Variants in PRKDC observed in about 807,000 individuals in gnomAD.
The protein encoded by PRKDC is DNA-dependent protein kinase catalytic subunit.
In PRKDC, 82 loss-of-function variants were observed where a neutral mutation model predicts 486.9. That is an observed-to-expected ratio of 0.17 (90% CI 0.14 to 0.20). The LOEUF (loss-of-function observed/expected upper bound fraction) is 0.20. Among genes scored for constraint, PRKDC ranks in the 10% least tolerant of loss-of-function variants. PRKDC has a pLI of 1.00. For missense variants in PRKDC, 4,504 were observed against 5,038.2 expected (o/e 0.89, Z 3.21); for synonymous variants, 1,895 against 1,837.0 (o/e 1.03, Z -0.81).
At chr8:47,899,437 G>A (rs1468440319) in intron 28 of PRKDC, among the ~76,000 whole-genome samples, 1 of 152,120 alleles carries the variant, frequency 6.6e-6, no homozygotes, top group Non-Finnish European at 1.5e-5. Context: ...CGTAAGGTCA[G>A]GAGTTATAGA....
At chr8:47,849,549 G>A (rs769860005) in intron 52 of PRKDC, 46 bp from the exon 53 acceptor site, 42 of 1,593,194 alleles carry the variant, frequency 2.6e-5, no homozygotes, top group Admixed American at 1.0e-4. Context: ...TGGAAATGTA[G>A]GTTAAGCATT....
intron 25 of PRKDC, among the ~76,000 whole-genome samples, chr8:47,907,154 C>T (rs1212988525): frequency 1.3e-5 from 2 of 151,080 alleles, no homozygotes; most frequent in East Asian, 3.9e-4. Flanking sequence ...CATTCTCCTG[C>T]CTCAGCCTCC....
Position 47,944,045 on chromosome 8 carries a change from G to A in PRKDC, c.722-16C>T. On this transcript the variant is annotated splice_polypyrimidine_tract_variant and intron_variant, in intron 7 of 85. Transcript: ENST00000314191. ...GTCTGGGGATCTAGGGAAATACCAA[G>A]AAGCCTGTTACAAATCGTAATAACA... 1 of 1,551,522 alleles carries A rather than the reference G, an allele frequency of 6.4e-7. No homozygotes were observed. Among genetic ancestry groups the A allele is most frequent in the South Asian group, 1.2e-5 (1 of 84,340 alleles).
intron 19 of PRKDC, among the ~76,000 whole-genome samples, chr8:47,928,204 G>A (rs2090186526): frequency 6.8e-6 from 1 of 147,688 alleles, no homozygotes; most frequent in Non-Finnish European, 1.5e-5. Context: ...CAGCCAGGCT[G>A]GAGTGCATGG....
chr8:47,949,744 G>C (rs2090596879), intron 7 of PRKDC, among the ~76,000 whole-genome samples: 1 of 152,070 alleles, frequency 6.6e-6, no homozygotes, highest in Non-Finnish European at 1.5e-5. Flanking sequence ...GAGGAAGTGG[G>C]AGCCATAGGA....
chr8:47,796,566 T>C (rs1478695342), intron 73 of PRKDC, among the ~76,000 whole-genome samples: 1 of 152,038 alleles, frequency 6.6e-6, no homozygotes, highest in East Asian at 1.9e-4. Context: ...GTTTCTTATA[T>C]GTGTTGCAAA....
chr8:47,923,066 CTTT>C (rs879732716), intron 21 of PRKDC, among the ~76,000 whole-genome samples: 5 of 141,046 alleles, frequency 3.5e-5, no homozygotes, highest in Admixed American at 7.2e-5. Flanking sequence ...AGAAGTCATT[CTTT>C]TTTTTTTTTT....
Position 47,893,122 on chromosome 8 carries a change from A to G in PRKDC, c.3847+17T>C, listed in dbSNP as rs763410689. ...TGGCAGCACGACACACACCAGAATA[A>G]GGCAAGGGTGACCTACCTAGGACCT... On this transcript the variant is annotated intron_variant, in intron 31 of 85. Coordinates refer to ENST00000314191, the MANE Select transcript of PRKDC (RefSeq NM_006904.7). The G allele has an allele frequency of 6.4e-7, 1 of 1,574,596 alleles. No individual in the cohort carries two copies. Among genetic ancestry groups the G allele is most frequent in the Non-Finnish European group, 8.7e-7 (1 of 1,153,162 alleles).
Position 47,914,076 on chromosome 8 carries a change from G to T in PRKDC, c.2618-12C>A, listed in dbSNP as rs1255573679. ...ATCTGAGGACGTGACTGTTAGAAAAGATTTAAGAAGAATGAAACACTTTTT... is the reference window on the plus strand; with the variant it reads ...ATCTGAGGACGTGACTGTTAGAAAATATTTAAGAAGAATGAAACACTTTTT... On this transcript the variant is annotated splice_polypyrimidine_tract_variant and intron_variant, in intron 23 of 85. Transcript: ENST00000314191. 1.4e-6 allele frequency: 2 copies of T among 1,442,442 alleles called. No individual in the cohort carries two copies. Among genetic ancestry groups the T allele is most frequent in the Admixed American group, 2.6e-5 (1 of 38,746 alleles). 89.4% of individuals were successfully genotyped at this position (1,442,442 alleles called of 1,614,324 possible). A position where few individuals can be genotyped will look rare whatever the true frequency, so the allele number is the denominator to read the frequency against.
chr8:47,934,324 G>A (rs2090309379), intron 14 of PRKDC, among the ~76,000 whole-genome samples: 1 of 152,198 alleles, frequency 6.6e-6, no homozygotes, highest in South Asian at 2.1e-4. Flanking sequence ...GATCACCTGA[G>A]GTCAAGAGTT....
At position 47,930,736 on chromosome 8, in the gene PRKDC, C is replaced by A; in HGVS notation, c.1828G>T (p.Ala610Ser). 6.3e-7 allele frequency: 1 copy of A among 1,591,826 alleles called. No individual in the cohort carries two copies. The highest frequency in any genetic ancestry group is 1.2e-5 in the South Asian group (1 of 86,900). Residue 610 changes from alanine (A) to serine (S), a missense_variant, in exon 17 of 86, where the codon GCT (alanine) becomes TCT (serine). By Grantham distance (99) the Ala-to-Ser change is moderately conservative (BLOSUM62 1). Transcript: ENST00000314191. The part of the protein sequence containing the change: ...VWMIPTSDPA[A>S]NLHPAKPKDF... Reference sequence around the variant, plus strand: ...TTAGGTTTAGCTGGATGCAAGTTAGCCGCTGGATCTGAAGTTGGGATCATC... The same window carrying A: ...TTAGGTTTAGCTGGATGCAAGTTAGACGCTGGATCTGAAGTTGGGATCATC...
chr8:47,929,099 C>A lies in PRKDC; in HGVS notation c.2132G>T (p.Gly711Val). Residue 711 changes from glycine (G) to valine (V), a missense_variant, in exon 19 of 86, where the codon GGC (glycine) becomes GTC (valine). Transcript: ENST00000314191. ...AAATCATTTAAAAATTACCTCTTTG[C>A]CAAATTTCACAAATAAAGCAAAGCA... ...YSCFALFVKF[G>V]KEVAVKMKQY... 2 of 1,559,956 alleles carry A rather than the reference C, an allele frequency of 1.3e-6. No individual in the cohort carries two copies. Among genetic ancestry groups the A allele is most frequent in the East Asian group, 2.3e-5 (1 of 42,852 alleles).
chr8:47,857,083 A>C, intron 49 of PRKDC, 73 bp downstream of exon 49: 1 of 1,451,438 alleles, frequency 6.9e-7, no homozygotes, highest in Non-Finnish European at 9.2e-7. Context: ...AGGGACCTGA[A>C]TTATGTGTCA....
chr8:47,957,783 G>T (rs1214328933), intron 1 of PRKDC, among the ~76,000 whole-genome samples: 1 of 152,138 alleles, frequency 6.6e-6, no homozygotes, highest in Admixed American at 6.6e-5. Flanking sequence ...CAAAGTGCTG[G>T]GATTACAGGC....
chr8:47,935,928 G>T, intron 12 of PRKDC, 28 bp from the exon 13 acceptor site: 1 of 1,584,790 alleles, frequency 6.3e-7, no homozygotes, highest in Non-Finnish European at 8.6e-7. Flanking sequence ...CAAACCGTGA[G>T]TTAGAGGAGG....
intron 25 of PRKDC, among the ~76,000 whole-genome samples, 153 bp from the exon 26 acceptor site, chr8:47,905,129 G>T (rs2089754609): frequency 6.6e-6 from 1 of 152,038 alleles, no homozygotes; most frequent in Non-Finnish European, 1.5e-5. Flanking sequence ...GGCTCAAGTG[G>T]TCCCCTCCCA....
chr8:47,896,181 A>T (rs965987011), intron 30 of PRKDC, among the ~76,000 whole-genome samples: 1 of 151,958 alleles, frequency 6.6e-6, no homozygotes, highest in African/African-American at 2.4e-5. Flanking sequence ...AAAATAATCT[A>T]ATTCAGTTAT....
chr8:47,889,659 C>G (rs992816857), intron 32 of PRKDC, among the ~76,000 whole-genome samples: 1 of 152,156 alleles, frequency 6.6e-6, no homozygotes, highest in Non-Finnish European at 1.5e-5. Context: ...TAAATATTTG[C>G]GAGTGTGTGT....
chr8:47,951,390 C>T (rs1453788985), intron 7 of PRKDC, among the ~76,000 whole-genome samples: 1 of 150,018 alleles, frequency 6.7e-6, no homozygotes, highest in Admixed American at 6.6e-5. Context: ...AAAAGGGAGA[C>T]AGAAAATATT....
Sources: gnomAD v4.1 joint callset for allele counts (sites outside exome capture counted in the v4.1 genomes callset) on GRCh38, gnomAD v4.1.1 for gene constraint, MANE v1.5 for transcripts, NCBI Gene and HGNC (gene_info 2026-07-23, HGNC 2026-07-21) for gene names.